Variants in SEL1L3 observed in about 807,000 individuals in gnomAD.
SEL1L3 encodes SEL1L family member 3.
A neutral mutation model predicts 142.8 loss-of-function variants in SEL1L3; 76 were observed. That is an observed-to-expected ratio of 0.53 (90% CI 0.44 to 0.64). The LOEUF (loss-of-function observed/expected upper bound fraction) is 0.64, where lower values mean the gene tolerates loss of function less well. SEL1L3 is among the 30% of genes least tolerant of loss of function. The pLI, the probability that SEL1L3 is intolerant of heterozygous loss-of-function variation, is 0.00. For synonymous variants in SEL1L3, 504 were observed against 519.6 expected (o/e 0.97, Z 0.41); for missense variants, 1,262 against 1,381.7 (o/e 0.91, Z 1.37).
chr4:25,804,354 CT>C (rs1713403399), intron 10 of SEL1L3, among the ~76,000 whole-genome samples, 186 bp downstream of exon 10: 1 of 152,170 alleles, frequency 6.6e-6, no homozygotes, highest in African/African-American at 2.4e-5. Context: ...ATGAAGTGCC[CT>C]TTTTCACTCA....
rs762439386 is a variant in SEL1L3 at position 25,847,588 on chromosome 4, G to C, written c.439C>G (p.His147Asp). Residue 147 changes from histidine to aspartate, a missense_variant, in exon 2 of 24, where the codon CAT becomes GAT. Around this residue, in one of 3 missense-constraint regions of SEL1L3, gnomAD observed 689 missense variants for 692.8 expected, o/e 0.99. Transcript: ENST00000399878. ...ACCATAATGCTTGGAAATTTCACAT[G>C]TACTATTTGTGTCCTGCTGGTGTGA... The part of the protein sequence containing the change: ...HLHTSRTQIV[H>D]VKFPSIMVYR... 3.1e-6 allele frequency: 5 copies of C among 1,613,950 alleles called. No homozygotes were observed. Among genetic ancestry groups the C allele is most frequent in the Non-Finnish European group, 4.2e-6 (5 of 1,179,866 alleles).
At chr4:25,857,339 G>A (rs1478280721) in intron 1 of SEL1L3, among the ~76,000 whole-genome samples, 1 of 152,144 alleles carries the variant, frequency 6.6e-6, no homozygotes, top group Non-Finnish European at 1.5e-5. Flanking sequence ...CAATATTCCT[G>A]GTTGTGTAAG....
intron 3 of SEL1L3, among the ~76,000 whole-genome samples, chr4:25,834,305 C>T (rs1375799455): frequency 6.6e-6 from 1 of 152,238 alleles, no homozygotes; most frequent in African/African-American, 2.4e-5. Context: ...AAAAGACTTA[C>T]TGAACACCCC....
chr4:25,748,349 A>G lies in SEL1L3; in HGVS notation c.*76T>C. The G allele has an allele frequency of 1.4e-6, 2 of 1,440,088 alleles. No individual in the cohort carries two copies. Among genetic ancestry groups the G allele is most frequent in the East Asian group, 2.5e-5 (1 of 40,294 alleles). The allele number at this position is 1,440,088 out of a possible 1,614,324, so 89.2% of individuals were successfully genotyped here. ...GACATTTAAGGTGTTTATCAGGATC[A>G]TGCCCTGGCCCCAGCTTCCCAATAC... On this transcript the variant is annotated 3_prime_UTR_variant, in exon 24 of 24. Coordinates refer to ENST00000399878, the MANE Select transcript of SEL1L3 (RefSeq NM_015187.5).
chr4:25,755,405 C>G (rs1002356199), intron 23 of SEL1L3, among the ~76,000 whole-genome samples: 37 of 152,146 alleles, frequency 2.4e-4, no homozygotes, highest in African/African-American at 8.2e-4. Context: ...GTCTGGTCTC[C>G]TGGTCTTTAT....
chr4:25,716,220 C>T, the SEL1L3 span, among the ~76,000 whole-genome samples: 1 of 151,782 alleles, frequency 6.6e-6, no homozygotes, highest in African/African-American at 2.4e-5. Flanking sequence ...ATGATCAAAA[C>T]ACTCACAGAA....
intron 17 of SEL1L3, among the ~76,000 whole-genome samples, chr4:25,772,981 G>A (rs1287574656): frequency 2.6e-5 from 4 of 152,114 alleles, no homozygotes; most frequent in East Asian, 3.9e-4. Flanking sequence ...TATTTTAGTC[G>A]AGATGGGGTT....
chr4:25,746,301 C>T (rs866838396), downstream of SEL1L3, among the ~76,000 whole-genome samples: 22 of 151,560 alleles, frequency 1.5e-4, no homozygotes, highest in Admixed American at 3.9e-4. Context: ...GCGGATTGCC[C>T]GAGCTCAGGA....
intron 9 of SEL1L3, among the ~76,000 whole-genome samples, chr4:25,806,746 C>A (rs1019592894): frequency 6.6e-6 from 1 of 152,072 alleles, no homozygotes; most frequent in African/African-American, 2.4e-5. Context: ...TTTTTTGATC[C>A]CAAGTACCTG....
At chr4:25,789,520 G>T in intron 12 of SEL1L3, among the ~76,000 whole-genome samples, 1 of 149,558 alleles carries the variant, frequency 6.7e-6, no homozygotes, top group Non-Finnish European at 1.5e-5. Context: ...AGGACTTTGA[G>T]GCTGCAGTGA....
At chr4:25,796,251 CACAG>C (rs893477242) in intron 11 of SEL1L3, among the ~76,000 whole-genome samples, 4 of 152,052 alleles carry the variant, frequency 2.6e-5, no homozygotes, top group African/African-American at 9.7e-5. Context: ...GCCTGCAGGC[CACAG>C]AGGGCGGTGC....
At position 25,767,727 on chromosome 4, in the gene SEL1L3, T is replaced by C; in HGVS notation, c.2760+13A>G. On this transcript the variant is annotated intron_variant, in intron 18 of 23. Transcript: ENST00000399878. ...CTCAGAGCTTCTACTCTGAGAAGAA[T>C]ACATTTACTTACTGGCCTCTCCTCA... 6.5e-7 allele frequency: 1 copy of C among 1,542,854 alleles called. No homozygotes were observed. The highest frequency in any genetic ancestry group is 8.8e-7 in the Non-Finnish European group (1 of 1,130,006).
the SEL1L3 span, among the ~76,000 whole-genome samples, chr4:25,739,964 A>G: frequency 6.6e-6 from 1 of 151,280 alleles, no homozygotes; most frequent in Non-Finnish European, 1.5e-5. Context: ...TTAATTAATT[A>G]ATTAATTTAT....
chr4:25,748,432 C>T lies in SEL1L3; in HGVS notation c.3392G>A (p.Arg1131His), dbSNP rs756249196. The T allele has an allele frequency of 1.3e-5, 21 of 1,608,952 alleles. No individual in the cohort carries two copies. The highest frequency in any genetic ancestry group is 4.5e-5 in the East Asian group (2 of 44,766). Reference protein sequence around the residue: ...QPTVTNNPEPRG With the variant: ...QPTVTNNPEPHG ...AGAACTGGAGTGCACAGTTCACCCA[C>T]GTGGCTCCGGGTTATTAGTTACTGT... The change falls in exon 24 of 24, where the codon CGT becomes CAT. Residue 1131 changes from arginine to histidine, a missense_variant. Physicochemically the swap from Arg to His is conservative, Grantham distance 29 (BLOSUM62 0). This residue lies in a region of SEL1L3 where 138 missense variants were observed against 129.7 expected (regional missense o/e 1.06). Transcript: ENST00000399878.
At chr4:25,855,531 G>C (rs1382871536) in intron 1 of SEL1L3, among the ~76,000 whole-genome samples, 3 of 152,146 alleles carry the variant, frequency 2.0e-5, no homozygotes, top group Admixed American at 2.0e-4. Flanking sequence ...CGAGGCGGGT[G>C]GATCACCTGA....
At chr4:25,775,194 T>A (rs1719528269) in intron 17 of SEL1L3, among the ~76,000 whole-genome samples, 1 of 152,222 alleles carries the variant, frequency 6.6e-6, no homozygotes, top group Admixed American at 6.5e-5. Flanking sequence ...AGTAACTTTC[T>A]GAAAAAAATC....
intron 17 of SEL1L3, among the ~76,000 whole-genome samples, chr4:25,775,599 TAAAA>T (rs1719556557): frequency 6.6e-6 from 1 of 151,996 alleles, no homozygotes; most frequent in Non-Finnish European, 1.5e-5. Flanking sequence ...TAGAAAAAAA[TAAAA>T]GAAAGAAGAC....
At chr4:25,809,319 T>G (rs1713856244) in intron 9 of SEL1L3, among the ~76,000 whole-genome samples, 1 of 151,170 alleles carries the variant, frequency 6.6e-6, no homozygotes, top group South Asian at 2.1e-4. Context: ...TTTTTTTTTT[T>G]TTTTTGGTAG....
At chr4:25,853,667 T>TC (rs2109319667) in intron 1 of SEL1L3, among the ~76,000 whole-genome samples, 1 of 105,240 alleles carries the variant, frequency 9.5e-6, no homozygotes, top group Non-Finnish European at 2.0e-5. Context: ...TTCTTACCTT[T>TC]TTTTTTTTTT....
Sources: gnomAD v4.1 joint callset for allele counts (sites outside exome capture counted in the v4.1 genomes callset) on GRCh38, gnomAD v4.1.1 for gene constraint, gnomAD v4.1.1 regional missense constraint, MANE v1.5 for transcripts, NCBI Gene and HGNC (gene_info 2026-07-23, HGNC 2026-07-21) for gene names.